Variants in ITGA2 observed in about 807,000 individuals in gnomAD.
The protein encoded by ITGA2 is integrin alpha-2.
A neutral mutation model predicts 146.3 loss-of-function variants in ITGA2; 101 were observed. That is an observed-to-expected ratio of 0.69 (90% CI 0.59 to 0.81). The LOEUF is 0.81. Ranked by LOEUF, ITGA2 falls within the 40% of genes least tolerant of loss-of-function variation. The pLI is 0.00. For missense variants in ITGA2, 1,281 were observed against 1,402.7 expected (o/e 0.91, Z 1.39); for synonymous variants, 477 against 487.1 (o/e 0.98, Z 0.27).
chr5:53,034,333 C>T (rs1334344218), intron 2 of ITGA2, among the ~76,000 whole-genome samples: 1 of 151,976 alleles, frequency 6.6e-6, no homozygotes, highest in South Asian at 2.1e-4. Flanking sequence ...TGACAACCCC[C>T]CAAGAGGCGG....
intron 1 of ITGA2, among the ~76,000 whole-genome samples, chr5:53,002,206 G>T (rs1214734164): frequency 6.6e-6 from 1 of 151,760 alleles, no homozygotes; most frequent in Non-Finnish European, 1.5e-5. Context: ...AAACATTTTT[G>T]ACCAATAAAT....
chr5:53,039,187 C>A (rs1454964451), intron 2 of ITGA2, among the ~76,000 whole-genome samples: 1 of 152,156 alleles, frequency 6.6e-6, no homozygotes, highest in Non-Finnish European at 1.5e-5. Flanking sequence ...GTAAAATTTA[C>A]TATAATTAAT....
Position 53,094,772 on chromosome 5 carries a change from A to T in ITGA2, c.*4173A>T, listed in dbSNP as rs1365469236. On this transcript the variant is annotated 3_prime_UTR_variant, in exon 30 of 30. Coordinates refer to ENST00000296585, the MANE Select transcript of ITGA2 (RefSeq NM_002203.4). ...ATAAAGCCATTTTCTTTGGGCTTTT[A>T]TAAGTTATATATTTTACTATTTTTA... The T allele has an allele frequency of 6.6e-6, 1 of 152,160 alleles. No individual in the cohort carries two copies. Among genetic ancestry groups the T allele is most frequent in the Non-Finnish European group, 1.5e-5 (1 of 68,036 alleles). The allele number at this position is 152,160 out of a possible 1,614,324, so 9.4% of individuals were successfully genotyped here.
In ITGA2 at chr5:53,072,655, T is replaced by G; in HGVS notation, c.2389T>G (p.Ser797Ala). ...KDCGEDGLCI[S>A]DLVLDVRQIP... is the part of the protein sequence containing the mutation. ...CTGTGGTGAGGACGGACTTTGCATT[T>G]CTGATCTAGTCCTAGATGTCCGACA... Residue 797 changes from serine (S) to alanine (A), a missense_variant, in exon 19 of 30, where the codon TCT becomes GCT. Transcript: ENST00000296585. 4.3e-6 allele frequency: 7 copies of G among 1,611,116 alleles called. No homozygotes were observed. The highest frequency in any genetic ancestry group is 5.9e-6 in the Non-Finnish European group (7 of 1,178,632).
chr5:53,047,052 T>C (rs1020345757), intron 4 of ITGA2, among the ~76,000 whole-genome samples: 2 of 152,238 alleles, frequency 1.3e-5, no homozygotes, highest in Non-Finnish European at 2.9e-5. Context: ...TAATAATGAC[T>C]TTCTTCTAAT....
intron 1 of ITGA2, among the ~76,000 whole-genome samples, chr5:53,022,967 C>T (rs2111797248): frequency 6.6e-6 from 1 of 152,244 alleles, no homozygotes; most frequent in Middle Eastern, 3.4e-3. Context: ...AACTAGTTAG[C>T]CCTGCATGAG....
At chr5:53,059,828 T>G (rs1374181249) in intron 10 of ITGA2, 46 bp from the exon 11 acceptor site, 2 of 1,591,664 alleles carry the variant, frequency 1.3e-6, no homozygotes, top group East Asian at 4.5e-5. Flanking sequence ...TTCTTATGTT[T>G]TAAAGGTGAT....
In ITGA2 at chr5:53,074,381, T is replaced by C; in HGVS notation, c.2572-4T>C. On this transcript the variant is annotated splice_region_variant and splice_polypyrimidine_tract_variant and intron_variant, in intron 20 of 29. Transcript: ENST00000296585. ...ATCATTGTTGTTTCCTTGGTCTTGT[T>C]CAGGTTGATGGGACAGAAGTAACAT... The C allele has an allele frequency of 6.2e-7, 1 of 1,611,626 alleles. No homozygotes were observed. Among genetic ancestry groups the C allele is most frequent in the Non-Finnish European group, 8.5e-7 (1 of 1,178,290 alleles).
chr5:53,055,709 C>A (rs1212600326), intron 8 of ITGA2, 21 bp downstream of exon 8: 1 of 1,611,866 alleles, frequency 6.2e-7, no homozygotes, highest in Non-Finnish European at 8.5e-7. Flanking sequence ...TTTCTTTTCA[C>A]TTGTCTTGCC....
Position 53,075,321 on chromosome 5 carries a change from G to A in ITGA2, c.2825+17G>A. ...CTTAACAAGGTAGGTGAAGCAGTGG[G>A]TAACCTGCTATCACTGACACCAACT... On this transcript the variant is annotated intron_variant, in intron 23 of 29. Coordinates refer to ENST00000296585, the MANE Select transcript of ITGA2 (RefSeq NM_002203.4). The A allele has an allele frequency of 6.3e-7, 1 of 1,598,480 alleles. No individual in the cohort carries two copies. The highest frequency in any genetic ancestry group is 1.1e-5 in the South Asian group (1 of 90,728).
At chr5:53,018,086 A>G (rs1362029079) in intron 1 of ITGA2, among the ~76,000 whole-genome samples, 1 of 152,146 alleles carries the variant, frequency 6.6e-6, no homozygotes, top group Non-Finnish European at 1.5e-5. Context: ...GGCCATGGTC[A>G]GGCTGGAGCT....
chr5:53,073,944 TAAAAA>T (rs376587596), intron 20 of ITGA2, among the ~76,000 whole-genome samples: 853 of 67,810 alleles, frequency 0.013, 11 homozygotes, highest in African/African-American at 0.036. Flanking sequence ...TGAAGAAAAC[TAAAAA>T]AAAAAAAAAA....
chr5:53,012,486 A>G (rs936484314), intron 1 of ITGA2, among the ~76,000 whole-genome samples: 3 of 152,082 alleles, frequency 2.0e-5, no homozygotes, highest in Non-Finnish European at 4.4e-5. Context: ...AAACAATACC[A>G]TTGTTGGGCT....
chr5:53,022,209 T>C (rs1742720394), intron 1 of ITGA2, among the ~76,000 whole-genome samples: 1 of 29,704 alleles, frequency 3.4e-5, no homozygotes, highest in Admixed American at 2.8e-4. Flanking sequence ...TTTCACTGCA[T>C]TTTTTTTTTT....
Position 53,059,865 on chromosome 5 carries a change from T to C in ITGA2, c.1174-9T>C, listed in dbSNP as rs763629897. On this transcript the variant is annotated splice_polypyrimidine_tract_variant and intron_variant, in intron 10 of 29. Coordinates refer to ENST00000296585, the MANE Select transcript of ITGA2 (RefSeq NM_002203.4). ...TGTTTCAATGATCTTCATTTTTCAA[T>C]TATTTTAGGATATTCTGATGCTGGG... The C allele has an allele frequency of 6.2e-7, 1 of 1,611,268 alleles. No individual in the cohort carries two copies. The highest frequency in any genetic ancestry group is 8.5e-7 in the Non-Finnish European group (1 of 1,178,352).
In ITGA2 at chr5:53,044,935, C is replaced by G. The variant is rs533041252; in HGVS notation, c.296-66C>G. 2,201 of 1,178,098 alleles carry G rather than the reference C, an allele frequency of 1.9e-3. 8 individuals are homozygous for G. The highest frequency in any genetic ancestry group is 2.6e-3 in the Admixed American group (147 of 57,630). 73.0% of individuals were successfully genotyped at this position (1,178,098 alleles called of 1,614,324 possible). A position where few individuals can be genotyped will look rare whatever the true frequency, so the allele number is the denominator to read the frequency against. ...ATGCAAACATGGGTGTGCCTGTTTT[C>G]TTTTAATATCTTTAAGTAAACGAGG... is the stretch of plus-strand genomic sequence containing the variant. On this transcript the variant is annotated intron_variant, in intron 3 of 29. Coordinates refer to ENST00000296585, the MANE Select transcript of ITGA2 (RefSeq NM_002203.4).
At chr5:53,010,997 A>C (rs1742097647) in intron 1 of ITGA2, among the ~76,000 whole-genome samples, 1 of 152,112 alleles carries the variant, frequency 6.6e-6, no homozygotes, top group Non-Finnish European at 1.5e-5. Flanking sequence ...GACACAAGTT[A>C]AGGAATGCTC....
intron 16 of ITGA2, among the ~76,000 whole-genome samples, chr5:53,067,861 G>T (rs955611877): frequency 6.6e-6 from 1 of 151,792 alleles, no homozygotes; most frequent in Non-Finnish European, 1.5e-5. Flanking sequence ...TTTTCTCTTG[G>T]GCTGGCCAAG....
intron 1 of ITGA2, among the ~76,000 whole-genome samples, chr5:52,999,955 C>A (rs1304923705): frequency 6.6e-6 from 1 of 152,138 alleles, no homozygotes; most frequent in Non-Finnish European, 1.5e-5. Flanking sequence ...CTTTTCCAAT[C>A]ACAAATCCAT....
Sources: allele counts gnomAD v4.1 joint callset (sites outside exome capture counted in the v4.1 genomes callset), GRCh38; gene constraint gnomAD v4.1.1; transcripts MANE v1.5; gene names NCBI Gene and HGNC (gene_info 2026-07-23, HGNC 2026-07-21).